The following MYT1L variants were observed in gnomAD, a reference collection of about 807,000 sequenced individuals.
The protein encoded by MYT1L is myelin transcription factor 1 like, also known as myelin transcription factor 1-like protein.
A neutral mutation model predicts 126.7 loss-of-function variants in MYT1L; 12 were observed. That is an observed-to-expected ratio of 0.09 (90% CI 0.06 to 0.15). The LOEUF (loss-of-function observed/expected upper bound fraction) is 0.15, where lower values mean the gene tolerates loss of function less well. MYT1L is among the 10% of genes least tolerant of loss of function. The probability of loss-of-function intolerance (pLI) is 1.00; values close to 1 mark genes in which losing one functional copy is unlikely to be tolerated. For missense variants in MYT1L, 979 were observed against 1,585.2 expected (o/e 0.62, Z 6.49); for synonymous variants, 541 against 604.2 (o/e 0.90, Z 1.53).
intron 19 of MYT1L, among the ~76,000 whole-genome samples, chr2:1,849,092 T>G (rs891670128): frequency 1.3e-5 from 2 of 151,714 alleles, no homozygotes; most frequent in African/African-American, 4.8e-5. Context: ...CTAAGATATA[T>G]GTAAAATGAA....
intron 3 of MYT1L, among the ~76,000 whole-genome samples, chr2:2,062,334 T>C (rs1362690092): frequency 2.0e-5 from 3 of 151,374 alleles, no homozygotes; most frequent in African/African-American, 7.2e-5. Context: ...TTACGTCCTA[T>C]CTTCTTCTTA....
At chr2:1,916,895 C>T (rs149895058) in intron 11 of MYT1L, among the ~76,000 whole-genome samples, 96 of 152,234 alleles carry the variant, frequency 6.3e-4, no homozygotes, top group African/African-American at 1.7e-3. Flanking sequence ...TCTGTAATTA[C>T]GAGAAAAGAT....
chr2:2,223,052 G>C lies in MYT1L; in HGVS notation c.-420-50064C>G, dbSNP rs569478942. On this transcript the variant is annotated intron_variant, in intron 2 of 24. Transcript: ENST00000647738. ...TGTCCTTCTAAGCCCCACATACTAAGCAATGAACTTCCTAGGCACTGCCTC... is the reference window on the plus strand; with the variant it reads ...TGTCCTTCTAAGCCCCACATACTAACCAATGAACTTCCTAGGCACTGCCTC... Among the ~76,000 whole-genome samples the C allele has an allele frequency of 7.9e-5, 12 of 152,090 alleles. 1 individual carries two copies. Among genetic ancestry groups the C allele is most frequent in the Admixed American group, 7.9e-4 (12 of 15,260 alleles).
intron 1 of MYT1L, among the ~76,000 whole-genome samples, chr2:2,312,653 G>A (rs765299581): frequency 2.0e-5 from 3 of 152,112 alleles, no homozygotes; most frequent in Non-Finnish European, 2.9e-5. Flanking sequence ...TTCATCACTA[G>A]TAGCTTTTTT....
chr2:1,836,514 A>G (rs2040912152), intron 21 of MYT1L, among the ~76,000 whole-genome samples: 1 of 147,668 alleles, frequency 6.8e-6, no homozygotes, highest in Non-Finnish European at 1.5e-5. Context: ...CCTGCACCCA[A>G]TATTCCATCA....
chr2:2,095,249 C>T (rs2077324173), intron 3 of MYT1L, among the ~76,000 whole-genome samples: 1 of 152,212 alleles, frequency 6.6e-6, no homozygotes, highest in Non-Finnish European at 1.5e-5. Context: ...GCAATGCAGA[C>T]AACAGAGAGG....
At chr2:2,208,237 C>T (rs1311360750) in intron 2 of MYT1L, among the ~76,000 whole-genome samples, 1 of 152,144 alleles carries the variant, frequency 6.6e-6, no homozygotes, top group East Asian at 1.9e-4. Flanking sequence ...TGATTGAATT[C>T]GAGTTATCCA....
chr2:2,039,325 C>T (rs2067249168), intron 4 of MYT1L, among the ~76,000 whole-genome samples: 1 of 151,940 alleles, frequency 6.6e-6, no homozygotes, highest in Non-Finnish European at 1.5e-5. Context: ...ATCGCTTGGG[C>T]CCAGAAATTT....
At chr2:2,306,537 T>G (rs1029901647) in intron 1 of MYT1L, among the ~76,000 whole-genome samples, 13 of 152,128 alleles carry the variant, frequency 8.5e-5, no homozygotes, top group Admixed American at 2.6e-4. Context: ...CCTAAGGGCC[T>G]TGGGAATATC....
At chr2:2,154,668 G>A (rs1384434811) in intron 3 of MYT1L, among the ~76,000 whole-genome samples, 1 of 152,158 alleles carries the variant, frequency 6.6e-6, no homozygotes, top group African/African-American at 2.4e-5. Context: ...AAGACACTGA[G>A]GCCTTCTTGA....
chr2:1,815,207 C>G (rs2037430966), intron 21 of MYT1L, among the ~76,000 whole-genome samples: 1 of 152,172 alleles, frequency 6.6e-6, no homozygotes. Flanking sequence ...CTCTCTGGGG[C>G]ACATGGTTGA....
At chr2:2,227,226 T>TA (rs1456070525) in intron 2 of MYT1L, among the ~76,000 whole-genome samples, 1 of 152,156 alleles carries the variant, frequency 6.6e-6, no homozygotes, top group African/African-American at 2.4e-5. Flanking sequence ...TCTTTGTTGA[T>TA]ATCATCTGGT....
At position 1,793,116 on chromosome 2, in the gene MYT1L, C is replaced by G. The variant is rs1351338383; in HGVS notation, c.3277-652G>C. On this transcript the variant is annotated intron_variant, in intron 23 of 24. Transcript: ENST00000647738. The surrounding 1 kb of genome is among the most constrained non-coding windows in gnomAD (Gnocchi z 4.6). ...CAGCTAAGTCCTCCAATGCTCATTT[C>G]TGTGTGGAGGTGTCACTGTGTCTTC... Among the ~76,000 whole-genome samples, 5 of 152,178 alleles carry G rather than the reference C, an allele frequency of 3.3e-5. No individual in the cohort carries two copies. The highest frequency in any genetic ancestry group is 6.5e-5 in the Admixed American group (1 of 15,276).
intron 3 of MYT1L, among the ~76,000 whole-genome samples, chr2:2,063,168 C>A (rs767253866): frequency 3.3e-5 from 5 of 152,140 alleles, no homozygotes; most frequent in Non-Finnish European, 5.9e-5. Context: ...TGATTCAACT[C>A]ATCTTCTCCT....
chr2:2,262,692 CA>C (rs1239154235), intron 2 of MYT1L, among the ~76,000 whole-genome samples: 3,243 of 105,888 alleles, frequency 0.031, 77 homozygotes, highest in African/African-American at 0.086. Flanking sequence ...GACTCCATCT[CA>C]AAAAAAAAAA....
chr2:1,982,698 C>T (rs2060699884), intron 5 of MYT1L, among the ~76,000 whole-genome samples: 1 of 152,184 alleles, frequency 6.6e-6, no homozygotes, highest in African/African-American at 2.4e-5. Context: ...GTGGGAGAGA[C>T]ACACTCCGAG....
At chr2:2,053,271 G>C (rs1187613559) in intron 4 of MYT1L, among the ~76,000 whole-genome samples, 1 of 152,190 alleles carries the variant, frequency 6.6e-6, no homozygotes, top group Non-Finnish European at 1.5e-5. Context: ...GGCCTGGGGA[G>C]GTAGTGTTTA....
chr2:2,215,727 A>G (rs2093656311), intron 2 of MYT1L, among the ~76,000 whole-genome samples: 1 of 152,304 alleles, frequency 6.6e-6, no homozygotes, highest in Non-Finnish European at 1.5e-5. Flanking sequence ...AAGATAATTC[A>G]TATTATTTTC....
rs2035810503 is a variant in MYT1L at position 1,806,904 on chromosome 2, G to A, written c.3172+2172C>T. Among the ~76,000 whole-genome samples, 1 of 152,234 alleles carries A rather than the reference G, an allele frequency of 6.6e-6. No individual in the cohort carries two copies. The highest frequency in any genetic ancestry group is 1.5e-5 in the Non-Finnish European group (1 of 68,040). ...TATTCGGGGGTGAAATGCCCTCTAA[G>A]TATTTTGAAAAGCGCCCGGCATGCA... is the stretch of plus-strand genomic sequence containing the variant. On this transcript the variant is annotated intron_variant, in intron 22 of 24. Coordinates refer to ENST00000647738, the MANE Select transcript of MYT1L (RefSeq NM_001303052.2). The surrounding 1 kb of genome is among the most constrained non-coding windows in gnomAD (Gnocchi z 4.9).
Sources: gnomAD v4.1 joint callset for allele counts (sites outside exome capture counted in the v4.1 genomes callset) on GRCh38, gnomAD v4.1.1 for gene constraint, Gnocchi (gnomAD v3.1) non-coding constraint, MANE v1.5 for transcripts, NCBI Gene and HGNC (gene_info 2026-07-23, HGNC 2026-07-21) for gene names.